FAM107B: variants seen among roughly 807,000 people sequenced by gnomAD.
FAM107B encodes the protein family with sequence similarity 107 member B.
In FAM107B, 21 loss-of-function variants were observed where a neutral mutation model predicts 31.5. The ratio of observed to expected loss-of-function variants is 0.67; its 90% confidence interval spans 0.47 to 0.96. FAM107B has a LOEUF of 0.96. Ranked by LOEUF, FAM107B falls within the 40% of genes least tolerant of loss-of-function variation. The pLI is 0.00. For missense variants in FAM107B, 452 were observed against 377.1 expected (o/e 1.20, Z -1.64); for synonymous variants, 157 against 141.5 (o/e 1.11, Z -0.78).
At chr10:14,585,595 A>AT (rs1474724788) in intron 2 of FAM107B, among the ~76,000 whole-genome samples, 4 of 152,226 alleles carry the variant, frequency 2.6e-5, no homozygotes, top group African/African-American at 9.6e-5. Context: ...TAGCTTATCA[A>AT]TGACAAAACA....
intron 1 of FAM107B, among the ~76,000 whole-genome samples, chr10:14,715,359 T>C (rs559936137): frequency 2.2e-4 from 33 of 152,244 alleles, no homozygotes; most frequent in African/African-American, 7.9e-4. Flanking sequence ...TCTTACAGGA[T>C]AGAAAACAAA....
intron 1 of FAM107B, among the ~76,000 whole-genome samples, chr10:14,716,591 G>A (rs1588726107): frequency 6.6e-6 from 1 of 152,180 alleles, no homozygotes; most frequent in African/African-American, 2.4e-5. Flanking sequence ...ACAGTGAGCT[G>A]GACAAAAGTA....
At chr10:14,682,644 GA>G (rs1343471703) in intron 1 of FAM107B, among the ~76,000 whole-genome samples, 1 of 152,170 alleles carries the variant, frequency 6.6e-6, no homozygotes, top group African/African-American at 2.4e-5. Context: ...CATAAGAACA[GA>G]AAACCAAGCC....
intron 2 of FAM107B, among the ~76,000 whole-genome samples, chr10:14,590,034 GTACTAATGGTCCT>G (rs761125512): frequency 9.0e-4 from 137 of 152,240 alleles, no homozygotes; most frequent in Non-Finnish European, 1.7e-3. Context: ...AACACTTAAC[GTACTAATGGTCCT>G]TATTCCAGGA....
At chr10:14,685,477 G>C (rs1014187231) in intron 1 of FAM107B, among the ~76,000 whole-genome samples, 1 of 152,098 alleles carries the variant, frequency 6.6e-6, no homozygotes, top group African/African-American at 2.4e-5. Flanking sequence ...GGTGGACAGA[G>C]TAGGTGTCCC....
chr10:14,596,757 C>T (rs78292718), intron 2 of FAM107B, among the ~76,000 whole-genome samples: 4 of 152,092 alleles, frequency 2.6e-5, no homozygotes, highest in African/African-American at 7.2e-5. Context: ...CTTGCACACC[C>T]GACGCCCTGC....
At chr10:14,715,614 C>T (rs945907878) in intron 1 of FAM107B, among the ~76,000 whole-genome samples, 1 of 152,160 alleles carries the variant, frequency 6.6e-6, no homozygotes, top group African/African-American at 2.4e-5. Context: ...GACCTGTCCT[C>T]CCCAGCATAG....
intron 2 of FAM107B, among the ~76,000 whole-genome samples, chr10:14,620,051 C>T (rs1394034729): frequency 1.4e-5 from 2 of 141,690 alleles, no homozygotes; most frequent in African/African-American, 2.6e-5. Context: ...GATGGAGTCT[C>T]GCTCTGTCGC....
intron 1 of FAM107B, among the ~76,000 whole-genome samples, chr10:14,734,913 T>C (rs904817239): frequency 3.3e-5 from 5 of 152,094 alleles, no homozygotes; most frequent in East Asian, 1.9e-4. Flanking sequence ...AGAAAACAAA[T>C]TGATATACGC....
chr10:14,613,515 T>C (rs115209513), intron 2 of FAM107B, among the ~76,000 whole-genome samples: 1,746 of 152,360 alleles, frequency 0.011, 34 homozygotes, highest in African/African-American at 0.04. Context: ...GTTTTTTCAC[T>C]GCACAAACTT....
At chr10:14,585,548 G>A (rs1851795033) in intron 2 of FAM107B, among the ~76,000 whole-genome samples, 1 of 152,204 alleles carries the variant, frequency 6.6e-6, no homozygotes, top group Non-Finnish European at 1.5e-5. Flanking sequence ...TGCAATTACA[G>A]ATGCTGCATG....
chr10:14,642,920 C>T (rs937259101), intron 2 of FAM107B, among the ~76,000 whole-genome samples: 9 of 152,168 alleles, frequency 5.9e-5, no homozygotes, highest in Admixed American at 3.3e-4. Flanking sequence ...TTTCTGAGAC[C>T]TTGCCAGAAT....
intron 2 of FAM107B, among the ~76,000 whole-genome samples, chr10:14,655,050 G>C (rs767524041): frequency 1.3e-5 from 2 of 152,200 alleles, no homozygotes; most frequent in Non-Finnish European, 2.9e-5. Context: ...CATGGCACCA[G>C]CATCTGAGGC....
chr10:14,651,414 T>C (rs1409714497), intron 2 of FAM107B, among the ~76,000 whole-genome samples: 1 of 152,192 alleles, frequency 6.6e-6, no homozygotes, highest in Non-Finnish European at 1.5e-5. Context: ...GAGGCCAGCC[T>C]GACCAACATG....
chr10:14,556,382 C>T, intron 2 of FAM107B: 1 of 985,472 alleles, frequency 1.0e-6, no homozygotes, highest in Non-Finnish European at 1.2e-6. Context: ...CTGGACTGTT[C>T]AGGGCTTGAC....
intron 1 of FAM107B, among the ~76,000 whole-genome samples, chr10:14,744,760 G>C (rs950513700): frequency 2.0e-5 from 3 of 152,260 alleles, no homozygotes; most frequent in Non-Finnish European, 4.4e-5. Flanking sequence ...GTATTTTATT[G>C]AGAAGTTTTA....
At position 14,693,271 on chromosome 10, in the gene FAM107B, T is replaced by A. The variant is rs576691731; in HGVS notation, c.412-25580A>T. Among the ~76,000 whole-genome samples, 6 of 151,980 alleles carry A rather than the reference T, an allele frequency of 3.9e-5. No homozygotes were observed. In the South Asian group the frequency reaches 1.2e-3, roughly 32 times the overall value. ...TGGGTGGATCTCCTGAGGTCAGGAG[T>A]TCGAGACCAGCCTGGCCAACATGGG... On this transcript the variant is annotated intron_variant, in intron 1 of 4. Coordinates refer to ENST00000181796, the MANE Select transcript of FAM107B (RefSeq NM_031453.4).
intron 1 of FAM107B, among the ~76,000 whole-genome samples, chr10:14,758,292 G>A (rs1294046399): frequency 6.6e-6 from 1 of 152,176 alleles, no homozygotes; most frequent in Non-Finnish European, 1.5e-5. Context: ...CGAGGATAAC[G>A]GAAGCTGTTG....
intron 2 of FAM107B, chr10:14,604,279 C>G: frequency 1.0e-6 from 1 of 979,314 alleles, no homozygotes; most frequent in Non-Finnish European, 1.2e-6. Flanking sequence ...CCTCCCAGCT[C>G]GCTCCCGGCG....
Sources: allele counts gnomAD v4.1 joint callset (sites outside exome capture counted in the v4.1 genomes callset), GRCh38; gene constraint gnomAD v4.1.1; transcripts MANE v1.5; gene names NCBI Gene and HGNC (gene_info 2026-07-23, HGNC 2026-07-21).